Variants in ZNF667 observed in about 807,000 individuals in gnomAD.
The protein encoded by ZNF667 is zinc finger protein 667.
In ZNF667, 13 loss-of-function variants were observed where a neutral mutation model predicts 31.8. That is an observed-to-expected ratio of 0.41 (90% CI 0.27 to 0.65). The LOEUF (loss-of-function observed/expected upper bound fraction) is 0.65, where lower values mean the gene tolerates loss of function less well. ZNF667 is among the 30% of genes least tolerant of loss of function. The probability of loss-of-function intolerance (pLI) is 0.32; values close to 1 mark genes in which losing one functional copy is unlikely to be tolerated. For missense variants in ZNF667, 642 were observed against 725.6 expected (o/e 0.88, Z 1.32); for synonymous variants, 228 against 247.1 (o/e 0.92, Z 0.73).
At chr19:56,457,247 CA>C in intron 6 of ZNF667, among the ~76,000 whole-genome samples, 1 of 152,226 alleles carries the variant, frequency 6.6e-6, no homozygotes, top group African/African-American at 2.4e-5. Flanking sequence ...AAAAGAATCA[CA>C]AAAATCATGC....
intron 3 of ZNF667, among the ~76,000 whole-genome samples, chr19:56,466,035 ACT>A (rs2043152231): frequency 6.6e-6 from 1 of 152,212 alleles, no homozygotes; most frequent in Non-Finnish European, 1.5e-5. Flanking sequence ...AAATGTGGAC[ACT>A]GAGTCTCTAA....
chr19:56,449,000 A>G (rs2042763532), intron 6 of ZNF667, among the ~76,000 whole-genome samples: 1 of 152,206 alleles, frequency 6.6e-6, no homozygotes, highest in Non-Finnish European at 1.5e-5. Flanking sequence ...AAGTAAGGGA[A>G]AAGAATGACT....
At chr19:56,450,832 T>A (rs926746281) in intron 6 of ZNF667, among the ~76,000 whole-genome samples, 130 of 152,322 alleles carry the variant, frequency 8.5e-4, no homozygotes, top group African/African-American at 3.1e-3. Context: ...AGATATTATT[T>A]ACGAGCCTCA....
Position 56,442,441 on chromosome 19 carries a change from G to A in ZNF667, c.554C>T (p.Ser185Leu), listed in dbSNP as rs773577579. The part of the protein sequence containing the change: ...SNCRKAFRQI[S>L]SILLHQRIHS... ...AATTCTCTGATGAAGTAGGATGGAT[G>A]AGATCTGTCTGAAAGCTTTTCTACA... Residue 185 changes from serine (S) to leucine (L), a missense_variant, in exon 7 of 7, where the codon TCA becomes TTA. By Grantham distance (145) the Ser-to-Leu change is moderately radical. Transcript: ENST00000504904. The A allele has an allele frequency of 6.2e-7, 1 of 1,614,106 alleles. No homozygotes were observed. Among genetic ancestry groups the A allele is most frequent in the South Asian group, 1.1e-5 (1 of 91,072 alleles).
rs1015456959 is a variant in ZNF667, at chr19:56,477,266, C to T, written c.-662+6G>A. 2.0e-5 allele frequency: 3 copies of T among 152,150 alleles called. No homozygotes were observed. Among genetic ancestry groups the T allele is most frequent in the Non-Finnish European group, 2.9e-5 (2 of 67,996 alleles). The allele number at this position is 152,150 out of a possible 1,614,324, so 9.4% of individuals were successfully genotyped here. On this transcript the variant is annotated splice_donor_region_variant and intron_variant, in intron 1 of 6. Coordinates refer to ENST00000504904, the MANE Select transcript of ZNF667 (RefSeq NM_001321356.2). ...GACACACCCACACTCTCGCCAGCCC[C>T]CTTACCTCGGTCTTCCCGGGCTCAG... is the stretch of plus-strand genomic sequence containing the variant.
At chr19:56,462,236 GGA>G (rs1348342010) in intron 4 of ZNF667, 100 bp downstream of exon 4, 1 of 1,413,858 alleles carries the variant, frequency 7.1e-7, no homozygotes, top group Non-Finnish European at 9.9e-7. Context: ...GGTGTTGGAT[GGA>G]TCTCCAACAG....
intron 6 of ZNF667, among the ~76,000 whole-genome samples, chr19:56,456,231 G>A (rs985232783): frequency 1.3e-5 from 2 of 152,188 alleles, no homozygotes; most frequent in African/African-American, 4.8e-5. Flanking sequence ...ATCAAACCCT[G>A]TTGCTATTGA....
chr19:56,446,447 C>T (rs1002871813), intron 6 of ZNF667, among the ~76,000 whole-genome samples: 1 of 152,128 alleles, frequency 6.6e-6, no homozygotes, highest in Non-Finnish European at 1.5e-5. Context: ...CTATTCATAG[C>T]CTCCATTTAT....
chr19:56,466,452 A>G (rs931868060), intron 3 of ZNF667, among the ~76,000 whole-genome samples: 13 of 152,116 alleles, frequency 8.5e-5, no homozygotes, highest in Admixed American at 3.9e-4. Context: ...CCTGGCCCCA[A>G]TGGGAGGCAG....
At chr19:56,477,475 A>G (rs2043441333), upstream of ZNF667, 1 of 152,226 alleles carries the variant, frequency 6.6e-6, no homozygotes, top group Non-Finnish European at 1.5e-5. Context: ...CAGTACCACC[A>G]GCCCCGGCCT....
chr19:56,469,196 G>A (rs1050969789), intron 3 of ZNF667, among the ~76,000 whole-genome samples: 2 of 152,186 alleles, frequency 1.3e-5, no homozygotes, highest in Admixed American at 1.3e-4. Context: ...AGAAAGGAGC[G>A]CTGAAACATC....
chr19:56,462,236 G>T, intron 4 of ZNF667, 102 bp downstream of exon 4: 1 of 1,413,976 alleles, frequency 7.1e-7, no homozygotes, highest in Non-Finnish European at 9.9e-7. Context: ...GGTGTTGGAT[G>T]GATCTCCAAC....
rs1284113679 is a variant in ZNF667, at chr19:56,474,127, G to C, written c.-661-3C>G. 6.6e-6 allele frequency: 1 copy of C among 152,256 alleles called. No individual in the cohort carries two copies. Among genetic ancestry groups the C allele is most frequent in the Non-Finnish European group, 1.5e-5 (1 of 68,068 alleles). The allele number at this position is 152,256 out of a possible 1,614,324, so 9.4% of individuals were successfully genotyped here. A position where few individuals can be genotyped will look rare whatever the true frequency, so the allele number is the denominator to read the frequency against. ...CCTGAGGTGAGGACGGCTGGAACCT[G>C]GATGGGAACATGCTTCAAAGAGTTA... On this transcript the variant is annotated splice_polypyrimidine_tract_variant and splice_region_variant and intron_variant, in intron 1 of 6. Coordinates refer to ENST00000504904, the MANE Select transcript of ZNF667 (RefSeq NM_001321356.2).
At chr19:56,470,791 C>T (rs188033895) in intron 3 of ZNF667, among the ~76,000 whole-genome samples, 7 of 152,252 alleles carry the variant, frequency 4.6e-5, no homozygotes, top group Non-Finnish European at 7.4e-5. Context: ...CTTTTCTGAG[C>T]GAGGTTTCCT....
intron 6 of ZNF667, among the ~76,000 whole-genome samples, chr19:56,447,901 A>G (rs2042738531): frequency 1.3e-5 from 2 of 152,046 alleles, no homozygotes; most frequent in African/African-American, 4.8e-5. Context: ...CAAAACAACT[A>G]AAAAGGAGAA....
intron 4 of ZNF667, among the ~76,000 whole-genome samples, chr19:56,461,927 C>T (rs1292961764): frequency 6.6e-6 from 1 of 152,174 alleles, no homozygotes; most frequent in Admixed American, 6.5e-5. Context: ...AGATACAAAA[C>T]CACACAACAA....
At chr19:56,477,217 G>A (rs1444312823) in intron 1 of ZNF667, 55 bp downstream of exon 1, 3 of 152,104 alleles carry the variant, frequency 2.0e-5, no homozygotes, top group Non-Finnish European at 4.4e-5. Flanking sequence ...CCACGCAGTG[G>A]CGGGCGCGCC....
chr19:56,458,146 G>A lies in ZNF667; in HGVS notation c.253+9C>T. Reference sequence around the variant, plus strand: ...ACTGAGACATATGCCTTGGTTCTCTGTCACTCACCAGGAGCCCGGCGTCTT... The same window carrying A: ...ACTGAGACATATGCCTTGGTTCTCTATCACTCACCAGGAGCCCGGCGTCTT... On this transcript the variant is annotated intron_variant, in intron 6 of 6. Coordinates refer to ENST00000504904, the MANE Select transcript of ZNF667 (RefSeq NM_001321356.2). 4 of 1,613,484 alleles carry A rather than the reference G, an allele frequency of 2.5e-6. No individual in the cohort carries two copies. In the African/African-American group the frequency reaches 4.0e-5, roughly 16 times the overall value.
At chr19:56,454,507 G>A (rs1470969544) in intron 6 of ZNF667, among the ~76,000 whole-genome samples, 2 of 151,750 alleles carry the variant, frequency 1.3e-5, no homozygotes, top group African/African-American at 4.8e-5. Flanking sequence ...ATGGAATAGA[G>A]AACCCAGAAA....
Sources: gnomAD v4.1 joint callset for allele counts (sites outside exome capture counted in the v4.1 genomes callset) on GRCh38, gnomAD v4.1.1 for gene constraint, MANE v1.5 for transcripts, NCBI Gene and HGNC (gene_info 2026-07-23, HGNC 2026-07-21) for gene names.